The following KIF24 variants were observed in gnomAD, a reference collection of about 807,000 sequenced individuals.
KIF24 encodes the protein kinesin-like protein KIF24.
Under a neutral mutation model 118.9 loss-of-function variants are expected in KIF24, and 81 were observed. That is an observed-to-expected ratio of 0.68 (90% CI 0.57 to 0.82). KIF24 has a LOEUF of 0.82. Ranked by LOEUF, KIF24 falls within the 40% of genes least tolerant of loss-of-function variation. KIF24 has a pLI of 0.00. For synonymous variants in KIF24, 599 were observed against 610.0 expected (o/e 0.98, Z 0.27); for missense variants, 1,560 against 1,661.6 (o/e 0.94, Z 1.06).
chr9:34,307,024 T>C (rs1836951436), intron 2 of KIF24, among the ~76,000 whole-genome samples: 1 of 152,030 alleles, frequency 6.6e-6, no homozygotes, highest in South Asian at 2.1e-4. Flanking sequence ...TTTTATACAA[T>C]TGTTTCATAT....
chr9:34,296,968 T>C (rs1330766595), intron 4 of KIF24, 49 bp downstream of exon 4: 9 of 901,156 alleles, frequency 1.0e-5, no homozygotes, highest in Non-Finnish European at 1.4e-5. Flanking sequence ...TATGGCCTAA[T>C]GGAAAATAGA....
At chr9:34,275,623 G>A (rs763075140) in intron 6 of KIF24, among the ~76,000 whole-genome samples, 1 of 151,998 alleles carries the variant, frequency 6.6e-6, no homozygotes, top group Admixed American at 6.6e-5. Flanking sequence ...GGTGGATCAC[G>A]AGGTCAGGAG....
intron 1 of KIF24, chr9:34,319,107 T>C (rs2229782): frequency 1.4e-6 from 2 of 1,397,716 alleles, no homozygotes; most frequent in Admixed American, 1.7e-5. Context: ...GTGGGTGTCA[T>C]GGTGATGCAC....
chr9:34,255,935 T>C lies in KIF24; in HGVS notation c.3672A>G (p.Arg1224=). ...GCCAACCAAGCCTTGTAGGATGTTT[T>C]CTCTCCTGGGCCCAGAGCTGGTCAG... ...DVADQLWAQE[R]KHPTRLGWQE... The change falls in exon 11 of 13, where the codon AGA becomes AGG. Residue 1224 remains arginine, a synonymous_variant. Transcript: ENST00000402558. 1.9e-6 allele frequency: 3 copies of C among 1,614,002 alleles called. No individual in the cohort carries two copies. The East Asian group carries it at 6.7e-5, about 36-fold the overall frequency.
intron 3 of KIF24, among the ~76,000 whole-genome samples, chr9:34,304,009 C>A (rs1836823006): frequency 1.3e-5 from 2 of 152,014 alleles, no homozygotes; most frequent in East Asian, 3.8e-4. Flanking sequence ...GGTTTGTTTC[C>A]TTGTTTCACT....
At position 34,309,556 on chromosome 9, in the gene KIF24, A is replaced by G. The variant is rs548353180; in HGVS notation, c.623+1168T>C. On this transcript the variant is annotated intron_variant, in intron 2 of 12. Coordinates refer to ENST00000402558, the MANE Select transcript of KIF24 (RefSeq NM_194313.4). Reference sequence around the variant, plus strand: ...ACTCCGTCTCAAAAAAAAAAAAAAAAAAAAGAAAATATTTACTCCTTCACC... The same window carrying G: ...ACTCCGTCTCAAAAAAAAAAAAAAAGAAAAGAAAATATTTACTCCTTCACC... Among the ~76,000 whole-genome samples, 618 of 151,816 alleles carry G rather than the reference A, an allele frequency of 4.1e-3. 5 individuals are homozygous for G. Among genetic ancestry groups the G allele is most frequent in the African/African-American group, 0.014 (578 of 41,434 alleles).
chr9:34,263,000 A>G (rs763568775), intron 9 of KIF24, 101 bp downstream of exon 9: 74 of 840,560 alleles, frequency 8.8e-5, no homozygotes, highest in Non-Finnish European at 1.2e-4. Context: ...GCCCAGCATC[A>G]TGTCTTACTG....
intron 1 of KIF24, among the ~76,000 whole-genome samples, chr9:34,317,017 C>T (rs1411759862): frequency 6.6e-6 from 1 of 152,016 alleles, no homozygotes; most frequent in Non-Finnish European, 1.5e-5. Flanking sequence ...GAGTTCAAGA[C>T]CAGCCTGGCC....
At chr9:34,270,527 A>G (rs1835465139) in intron 7 of KIF24, among the ~76,000 whole-genome samples, 1 of 151,454 alleles carries the variant, frequency 6.6e-6, no homozygotes, top group Middle Eastern at 3.4e-3. Context: ...AAAAAAAAAA[A>G]AAAAGAAAAG....
chr9:34,263,433 G>A (rs990926929), intron 8 of KIF24, among the ~76,000 whole-genome samples: 1 of 152,182 alleles, frequency 6.6e-6, no homozygotes, highest in South Asian at 2.1e-4. Context: ...TGACGGCGGG[G>A]AACAGACAGA....
chr9:34,262,695 T>A (rs868327283), intron 9 of KIF24, among the ~76,000 whole-genome samples: 4 of 48,800 alleles, frequency 8.2e-5, no homozygotes, highest in African/African-American at 1.5e-4. Flanking sequence ...TATATATATA[T>A]ATATATATAT....
At chr9:34,332,729 C>T (rs534191604), upstream of KIF24, among the ~76,000 whole-genome samples, 14 of 152,324 alleles carry the variant, frequency 9.2e-5, no homozygotes, top group Admixed American at 3.3e-4. Context: ...TCAGCAGCTT[C>T]GTCTCTGCAA....
intron 3 of KIF24, among the ~76,000 whole-genome samples, chr9:34,300,921 T>C (rs984075704): frequency 1.3e-5 from 2 of 151,834 alleles, no homozygotes; most frequent in African/African-American, 4.8e-5. Context: ...TGTTTCCTTT[T>C]ATTACAGCGA....
At position 34,301,415 on chromosome 9, in the gene KIF24, A is replaced by G. The variant is rs1836701759; in HGVS notation, c.814-4301T>C. Among the ~76,000 whole-genome samples the G allele has an allele frequency of 2.0e-5, 3 of 151,986 alleles. No homozygotes were observed. In the South Asian group the frequency reaches 6.2e-4, roughly 32 times the overall value. ...GGCATGCAGCCACCACGCCCAACTA[A>G]TTTTTTGTATTTTTAGTAGAGATGG... On this transcript the variant is annotated intron_variant, in intron 3 of 12. Transcript: ENST00000402558.
chr9:34,256,597 C>T lies in KIF24; in HGVS notation c.3010G>A (p.Val1004Ile), dbSNP rs747728382. ...CTGACTTCTCTCAGAGGTGTGGTGA[C>T]TGTGTCTCTTTGGTCTGGGGATCCA... Reference protein sequence around the residue: ...VPGSPDQRDTVTTPLREVSAD... With the variant: ...VPGSPDQRDTITTPLREVSAD... Residue 1004 changes from valine to isoleucine, a missense_variant, in exon 11 of 13, where the codon GTC (valine) becomes ATC (isoleucine). Val to Ile is a conservative substitution (Grantham distance 29). Transcript: ENST00000402558. 1 of 1,613,996 alleles carries T rather than the reference C, an allele frequency of 6.2e-7. No homozygotes were observed. Among genetic ancestry groups the T allele is most frequent in the Non-Finnish European group, 8.5e-7 (1 of 1,179,902 alleles).
At position 34,255,964 on chromosome 9, in the gene KIF24, C is replaced by T. The variant is rs1293421891; in HGVS notation, c.3643G>A (p.Val1215Met). 3 of 1,613,896 alleles carry T rather than the reference C, an allele frequency of 1.9e-6. No individual in the cohort carries two copies. The highest frequency in any genetic ancestry group is 1.1e-5 in the South Asian group (1 of 91,086). Residue 1215 changes from valine (V) to methionine (M), a missense_variant, in exon 11 of 13, where the codon GTG (valine) becomes ATG (methionine). By Grantham distance (21) the Val-to-Met change is conservative. This residue lies in a region of KIF24 where 591 missense variants were observed against 655.6 expected (regional missense o/e 0.90). Coordinates refer to ENST00000402558, the MANE Select transcript of KIF24 (RefSeq NM_194313.4). The stretch of plus-strand genomic sequence containing the variant: ...TCCTGGGCCCAGAGCTGGTCAGCCA[C>T]ATCACTACTTCCTGTTCGTGGGGTG... ...TLTPRTGSSDVADQLWAQERK... is the reference protein window; with the variant it reads ...TLTPRTGSSDMADQLWAQERK...
At chr9:34,266,051 C>T (rs973744685) in intron 8 of KIF24, among the ~76,000 whole-genome samples, 3 of 151,938 alleles carry the variant, frequency 2.0e-5, no homozygotes, top group Non-Finnish European at 4.4e-5. Flanking sequence ...TGCCACCACG[C>T]CCAGCTAATT....
intron 1 of KIF24, among the ~76,000 whole-genome samples, chr9:34,326,273 G>A (rs1193485986): frequency 6.6e-6 from 1 of 152,084 alleles, no homozygotes; most frequent in Admixed American, 6.6e-5. Flanking sequence ...GATTGCTTGG[G>A]CCTGGGAGTC....
intron 1 of KIF24, among the ~76,000 whole-genome samples, chr9:34,326,096 C>T (rs1292950193): frequency 2.6e-5 from 4 of 152,204 alleles, no homozygotes; most frequent in Admixed American, 2.0e-4. Context: ...GTGGCTCATG[C>T]CTGTTATCCC....
Sources: allele counts gnomAD v4.1 joint callset (sites outside exome capture counted in the v4.1 genomes callset), GRCh38; gene constraint gnomAD v4.1.1; regional missense constraint gnomAD v4.1.1; transcripts MANE v1.5; gene names NCBI Gene and HGNC (gene_info 2026-07-23, HGNC 2026-07-21).